ATG4C: variants seen among roughly 807,000 people sequenced by gnomAD.
The protein encoded by ATG4C is cysteine protease ATG4C.
In ATG4C, 56 loss-of-function variants were observed where a neutral mutation model predicts 57.6. That is an observed-to-expected ratio of 0.97 (90% CI 0.78 to 1.21). The LOEUF is 1.21. ATG4C is among the 50% of genes most tolerant of loss of function. ATG4C has a pLI of 0.00. For synonymous variants in ATG4C, 157 were observed against 174.1 expected, an observed-to-expected ratio of 0.90 and a Z score of 0.78; for missense variants, 595 against 529.8, an observed-to-expected ratio of 1.12 and a Z score of -1.21.
chr1:62,838,384 A>C (rs1191859651), intron 9 of ATG4C, among the ~76,000 whole-genome samples: 2 of 152,218 alleles, frequency 1.3e-5, no homozygotes, highest in Non-Finnish European at 2.9e-5. Context: ...ATAGCCCTGA[A>C]TTAGGAAAAT....
chr1:62,835,528 C>T (rs1161264864), intron 9 of ATG4C: 2 of 203,046 alleles, frequency 9.8e-6, no homozygotes, highest in Non-Finnish European at 2.1e-5. Context: ...TAACTTAAAT[C>T]ACTTGAGTGT....
At chr1:62,796,209 T>G (rs1349798782) in intron 1 of ATG4C, among the ~76,000 whole-genome samples, 3 of 94,052 alleles carry the variant, frequency 3.2e-5, no homozygotes, top group Non-Finnish European at 6.5e-5. Flanking sequence ...TTGTGTGGGT[T>G]TTTTTTTTTT....
At chr1:62,840,869 A>G (rs1489526695) in intron 9 of ATG4C, among the ~76,000 whole-genome samples, 1 of 152,260 alleles carries the variant, frequency 6.6e-6, no homozygotes, top group Non-Finnish European at 1.5e-5. Flanking sequence ...AGAAACAAGA[A>G]TTAAAGCACA....
At chr1:62,814,454 G>C (rs908483944) in intron 3 of ATG4C, among the ~76,000 whole-genome samples, 11 of 152,162 alleles carry the variant, frequency 7.2e-5, no homozygotes, top group Admixed American at 1.3e-4. Flanking sequence ...AGTGGGTGGG[G>C]GACTAGGGGA....
In ATG4C at chr1:62,834,878, G is replaced by GT. The variant is rs764136096; in HGVS notation, c.1089+30dup. 1.0e-5 allele frequency: 16 copies of GT among 1,578,010 alleles called. No homozygotes were observed. In the South Asian group the frequency reaches 1.7e-4, roughly 16 times the overall value. On this transcript the variant is annotated intron_variant, in intron 9 of 10. Transcript: ENST00000317868. ...GTACTGTGGATAAAAAGCTGATACT[G>GT]TTTTCTTACCATATGAAGTAAACTA... is the stretch of plus-strand genomic sequence containing the variant.
Position 62,853,365 on chromosome 1 carries a change from C to T in ATG4C, c.1210-10627C>T, listed in dbSNP as rs943774045. Among the ~76,000 whole-genome samples the T allele has an allele frequency of 3.3e-5, 5 of 152,226 alleles. No homozygotes were observed. In the East Asian group the frequency reaches 7.7e-4, roughly 23 times the overall value. ...TGAAAATACTAATAGCCACCGTTCT[C>T]TGTAACATCATTATGAGGATTAAAG... On this transcript the variant is annotated intron_variant, in intron 10 of 10. Transcript: ENST00000317868.
At chr1:62,830,400 C>G (rs1227168362) in intron 7 of ATG4C, among the ~76,000 whole-genome samples, 1 of 151,972 alleles carries the variant, frequency 6.6e-6, no homozygotes, top group Non-Finnish European at 1.5e-5. Flanking sequence ...TTTGCCTTCT[C>G]TACTACCATG....
chr1:62,837,013 A>G (rs1666019928), intron 9 of ATG4C, among the ~76,000 whole-genome samples: 1 of 152,106 alleles, frequency 6.6e-6, no homozygotes, highest in Non-Finnish European at 1.5e-5. Context: ...TTTGAAACCA[A>G]ATCAGAGTAA....
intron 1 of ATG4C, among the ~76,000 whole-genome samples, 152 bp from the exon 2 acceptor site, chr1:62,803,567 T>G (rs10789127): frequency 0.15 from 22,067 of 151,206 alleles, 1,691 homozygotes; most frequent in South Asian, 0.2. Flanking sequence ...AATGAGAAAT[T>G]GGTTTTCTGT....
chr1:62,824,747 T>TA (rs1259516747), intron 6 of ATG4C, among the ~76,000 whole-genome samples: 1 of 151,376 alleles, frequency 6.6e-6, no homozygotes, highest in Non-Finnish European at 1.5e-5. Context: ...AGCTCACTGT[T>TA]ACCTCAAACT....
intron 1 of ATG4C, among the ~76,000 whole-genome samples, chr1:62,803,136 T>G (rs1291965814): frequency 6.6e-6 from 1 of 152,152 alleles, no homozygotes; most frequent in Non-Finnish European, 1.5e-5. Context: ...AGTAAGAACA[T>G]TTTCCGTTAT....
At chr1:62,799,869 T>G (rs1664598356) in intron 1 of ATG4C, among the ~76,000 whole-genome samples, 1 of 148,028 alleles carries the variant, frequency 6.8e-6, no homozygotes. Flanking sequence ...ATTCATTCTT[T>G]CTATTTTTTT....
intron 9 of ATG4C, among the ~76,000 whole-genome samples, chr1:62,840,939 C>T (rs967579279): frequency 2.0e-5 from 3 of 152,184 alleles, no homozygotes; most frequent in Non-Finnish European, 4.4e-5. Flanking sequence ...TGCTAAAACC[C>T]TCAAGTTGAC....
chr1:62,784,878 T>A (rs943614658), intron 1 of ATG4C, among the ~76,000 whole-genome samples: 2 of 152,214 alleles, frequency 1.3e-5, no homozygotes, highest in African/African-American at 4.8e-5. Flanking sequence ...AGGTGTAGAA[T>A]AAATTCTTAC....
At chr1:62,856,985 C>G (rs1373404179) in intron 10 of ATG4C, among the ~76,000 whole-genome samples, 1 of 152,148 alleles carries the variant, frequency 6.6e-6, no homozygotes, top group Non-Finnish European at 1.5e-5. Context: ...GCAAGCCACG[C>G]TGGCTTGCTT....
At chr1:62,855,710 G>A (rs1225718721) in intron 10 of ATG4C, among the ~76,000 whole-genome samples, 2 of 152,124 alleles carry the variant, frequency 1.3e-5, no homozygotes, top group African/African-American at 4.8e-5. Flanking sequence ...TCTGAGATAC[G>A]TACTTTTGTC....
At chr1:62,801,083 A>G (rs1664640916) in intron 1 of ATG4C, among the ~76,000 whole-genome samples, 1 of 152,230 alleles carries the variant, frequency 6.6e-6, no homozygotes, top group African/African-American at 2.4e-5. Context: ...TTTGATATTA[A>G]TATTAAATGT....
intron 9 of ATG4C, among the ~76,000 whole-genome samples, chr1:62,838,798 T>G (rs539915695): frequency 6.6e-6 from 1 of 150,742 alleles, no homozygotes; most frequent in Non-Finnish European, 1.5e-5. Flanking sequence ...AAAAAAAAAG[T>G]TTAAATGATA....
At chr1:62,850,854 G>GTGTATGTATATATATA (rs1402010901) in intron 10 of ATG4C, among the ~76,000 whole-genome samples, 1 of 84,152 alleles carries the variant, frequency 1.2e-5, no homozygotes, top group Non-Finnish European at 2.6e-5. Context: ...GTGTATGTAT[G>GTGTATGTATATATATA]TATATATATA....
Sources: allele counts gnomAD v4.1 joint callset (sites outside exome capture counted in the v4.1 genomes callset), GRCh38; gene constraint gnomAD v4.1.1; transcripts MANE v1.5; gene names NCBI Gene and HGNC (gene_info 2026-07-23, HGNC 2026-07-21).